LRRTM4: variants seen among roughly 807,000 people sequenced by gnomAD.
The protein encoded by LRRTM4 is leucine rich repeat transmembrane neuronal 4, also known as leucine-rich repeat transmembrane neuronal protein 4.
Under a neutral mutation model 47.6 loss-of-function variants are expected in LRRTM4, and 25 were observed. The observed-to-expected ratio is 0.53, with a 90% confidence interval of 0.38 to 0.73. The LOEUF (loss-of-function observed/expected upper bound fraction) is 0.73. Ranked by LOEUF, LRRTM4 falls within the 30% of genes least tolerant of loss-of-function variation. LRRTM4 has a pLI of 0.00. For synonymous variants in LRRTM4, 311 were observed against 269.5 expected, an observed-to-expected ratio of 1.15 and a Z score of -1.51; for missense variants, 638 against 713.4, an observed-to-expected ratio of 0.89 and a Z score of 1.20.
intron 3 of LRRTM4, among the ~76,000 whole-genome samples, chr2:77,103,100 A>ACAATTCTCACAGATAAGGCATTGTAT (rs1558581322): frequency 6.6e-6 from 1 of 152,146 alleles, no homozygotes; most frequent in Non-Finnish European, 1.5e-5. Context: ...CTCAGGTGCA[A>ACAATTCTCACAGATAAGGCATTGTAT]CAATTCTCAC....
In LRRTM4 at chr2:77,522,226, C is replaced by T; in HGVS notation, c.-265G>A. 1.5e-6 allele frequency: 1 copy of T among 679,550 alleles called. No homozygotes were observed. The highest frequency in any genetic ancestry group is 2.3e-5 in the Admixed American group (1 of 44,098). 42.1% of individuals were successfully genotyped at this position (679,550 alleles called of 1,614,324 possible). On this transcript the variant is annotated 5_prime_UTR_variant, in exon 1 of 4. Coordinates refer to ENST00000409884, the MANE Select transcript of LRRTM4 (RefSeq NM_001134745.3). ...GCTGTATGAGACCCCAGTTTAAAAG[C>T]TATGCAGGCTAGGTTTATCCATTTA...
At chr2:77,487,413 G>A (rs1227826397) in intron 3 of LRRTM4, among the ~76,000 whole-genome samples, 1 of 152,216 alleles carries the variant, frequency 6.6e-6, no homozygotes, top group Non-Finnish European at 1.5e-5. Context: ...CCGGCTGGGT[G>A]TGTGTACGCT....
chr2:76,807,394 A>ATATATC (rs1553412556), intron 3 of LRRTM4, among the ~76,000 whole-genome samples: 3 of 122,400 alleles, frequency 2.5e-5, no homozygotes, highest in Non-Finnish European at 4.8e-5. Flanking sequence ...ATATATATAT[A>ATATATC]TATATGTATA....
intron 3 of LRRTM4, among the ~76,000 whole-genome samples, chr2:77,509,318 A>T (rs1678896318): frequency 1.3e-5 from 2 of 152,010 alleles, no homozygotes; most frequent in Non-Finnish European, 2.9e-5. Context: ...TAAGATAGGG[A>T]ATTTATAAGT....
intron 3 of LRRTM4, among the ~76,000 whole-genome samples, chr2:76,973,554 C>T (rs548849209): frequency 1.3e-5 from 2 of 151,972 alleles, no homozygotes; most frequent in South Asian, 2.1e-4. Context: ...ACACTCTGCC[C>T]AAGAAAATAC....
chr2:76,906,200 T>A (rs1243914321), intron 3 of LRRTM4, among the ~76,000 whole-genome samples: 1 of 150,642 alleles, frequency 6.6e-6, no homozygotes, highest in Admixed American at 6.6e-5. Flanking sequence ...TTCAACATTC[T>A]TAAAGAAAAG....
chr2:77,234,200 C>G (rs534276413), intron 3 of LRRTM4, among the ~76,000 whole-genome samples: 7 of 152,266 alleles, frequency 4.6e-5, no homozygotes, highest in African/African-American at 1.7e-4. Context: ...AAACCCAAAT[C>G]ATATAAACGA....
At chr2:77,411,284 A>G (rs2103859389) in intron 3 of LRRTM4, among the ~76,000 whole-genome samples, 1 of 152,236 alleles carries the variant, frequency 6.6e-6, no homozygotes, top group East Asian at 1.9e-4. Flanking sequence ...AAATAGTCTC[A>G]GCAAAACATG....
intron 3 of LRRTM4, among the ~76,000 whole-genome samples, chr2:77,503,759 G>GA (rs1289546275): frequency 6.6e-6 from 1 of 151,518 alleles, no homozygotes; most frequent in African/African-American, 2.4e-5. Context: ...ATGATTAAAT[G>GA]AAAAATGAAT....
chr2:77,271,494 G>A (rs912051247), intron 3 of LRRTM4, among the ~76,000 whole-genome samples: 3 of 152,134 alleles, frequency 2.0e-5, no homozygotes, highest in African/African-American at 4.8e-5. Flanking sequence ...GCTCACTCAC[G>A]TGCTCCCTCC....
intron 3 of LRRTM4, among the ~76,000 whole-genome samples, chr2:77,293,978 T>C (rs1001504267): frequency 1.3e-5 from 2 of 152,124 alleles, no homozygotes; most frequent in Admixed American, 6.6e-5. Context: ...GAAATAAGGT[T>C]TTCTTACTGC....
intron 3 of LRRTM4, among the ~76,000 whole-genome samples, chr2:77,500,418 A>G (rs1678527781): frequency 6.6e-6 from 1 of 150,966 alleles, no homozygotes; most frequent in Non-Finnish European, 1.5e-5. Context: ...TGGTTGTAAT[A>G]AGTGCATTAA....
At chr2:76,974,290 T>C (rs1026650814) in intron 3 of LRRTM4, among the ~76,000 whole-genome samples, 2 of 147,002 alleles carry the variant, frequency 1.4e-5, no homozygotes, top group Non-Finnish European at 3.0e-5. Context: ...TATTTTGACA[T>C]ACCAGAGCAT....
chr2:77,304,301 C>G (rs1677214988), intron 3 of LRRTM4, among the ~76,000 whole-genome samples: 1 of 152,056 alleles, frequency 6.6e-6, no homozygotes, highest in African/African-American at 2.4e-5. Flanking sequence ...GGTTATTTGA[C>G]TTCTTGCTAT....
intron 3 of LRRTM4, among the ~76,000 whole-genome samples, chr2:76,879,019 G>A (rs1382650122): frequency 2.6e-5 from 4 of 152,168 alleles, no homozygotes; most frequent in African/African-American, 9.7e-5. Context: ...TAAGGAAGCT[G>A]CAGAAATAAA....
At chr2:77,400,081 T>C (rs1673883032) in intron 3 of LRRTM4, among the ~76,000 whole-genome samples, 1 of 151,986 alleles carries the variant, frequency 6.6e-6, no homozygotes, top group South Asian at 2.1e-4. Flanking sequence ...CCCTATTCTC[T>C]GGAAACCACT....
chr2:77,078,406 AC>A (rs1680421183), intron 3 of LRRTM4, among the ~76,000 whole-genome samples: 1 of 150,114 alleles, frequency 6.7e-6, no homozygotes, highest in Non-Finnish European at 1.5e-5. Flanking sequence ...ACACACACAC[AC>A]ATGTTCTGGT....
intron 3 of LRRTM4, among the ~76,000 whole-genome samples, chr2:76,763,693 T>C (rs74641701): frequency 0.078 from 11,937 of 152,224 alleles, 845 homozygotes; most frequent in East Asian, 0.31. Context: ...ATCTGGGTCA[T>C]GGGTAGAGGC....
chr2:77,161,855 G>T (rs966674476), intron 3 of LRRTM4, among the ~76,000 whole-genome samples: 1 of 152,036 alleles, frequency 6.6e-6, no homozygotes, highest in Admixed American at 6.6e-5. Flanking sequence ...GTATTTTGAG[G>T]TTAATTAATT....
Sources: gnomAD v4.1 joint callset for allele counts (sites outside exome capture counted in the v4.1 genomes callset) on GRCh38, gnomAD v4.1.1 for gene constraint, MANE v1.5 for transcripts, NCBI Gene and HGNC (gene_info 2026-07-23, HGNC 2026-07-21) for gene names.